HPS4: variants seen among roughly 807,000 people sequenced by gnomAD.
HPS4 encodes the protein HPS4 biogenesis of lysosomal organelles complex 3 subunit 2, also known as BLOC-3 complex member HPS4.
HPS4 carries 44 observed loss-of-function variants against 70.3 expected under a neutral mutation model. The ratio of observed to expected loss-of-function variants is 0.63; its 90% confidence interval spans 0.49 to 0.80. The LOEUF (loss-of-function observed/expected upper bound fraction) is 0.80, where lower values mean the gene tolerates loss of function less well. HPS4 is among the 30% of genes least tolerant of loss of function. The probability of loss-of-function intolerance (pLI) is 0.00; values close to 1 mark genes in which losing one functional copy is unlikely to be tolerated. For synonymous variants in HPS4, 377 were observed against 355.9 expected (o/e 1.06, Z -0.67); for missense variants, 873 against 884.4 (o/e 0.99, Z 0.16).
rs2146568951 is a variant in HPS4 at position 26,464,815 on chromosome 22, G to T, written c.815C>A (p.Ser272Tyr). Residue 272 changes from serine to tyrosine, a missense_variant, in exon 11 of 14, where the codon TCT (serine) becomes TAT (tyrosine). Physicochemically the swap from Ser to Tyr is moderately radical, Grantham distance 144. Transcript: ENST00000398145. Reference protein sequence around the residue: ...PVEQMTRSLASPAGLQDGSAQ... With the variant: ...PVEQMTRSLAYPAGLQDGSAQ... ...TGAACCATCCTGGAGTCCTGCTGGAGATGCTAGAGACCTGGCAAACAAGAG... is the reference window on the plus strand; with the variant it reads ...TGAACCATCCTGGAGTCCTGCTGGATATGCTAGAGACCTGGCAAACAAGAG... The T allele has an allele frequency of 1.3e-6, 2 of 1,592,724 alleles. No individual in the cohort carries two copies. The highest frequency in any genetic ancestry group is 1.7e-6 in the Non-Finnish European group (2 of 1,171,892).
chr22:26,476,779 T>G, intron 4 of HPS4: 1 of 556,788 alleles, frequency 1.8e-6, no homozygotes, highest in South Asian at 2.0e-5. Context: ...AGAAACCAGC[T>G]GTGTGCAATG....
intron 13 of HPS4, among the ~76,000 whole-genome samples, chr22:26,456,488 A>G (rs1050686843): frequency 8.5e-5 from 13 of 152,120 alleles, no homozygotes; most frequent in Non-Finnish European, 1.9e-4. Flanking sequence ...GTGAAACCCT[A>G]TCTCTACTAA....
At chr22:26,483,300 G>A (rs1479549721) in intron 1 of HPS4, among the ~76,000 whole-genome samples, 1 of 152,218 alleles carries the variant, frequency 6.6e-6, no homozygotes, top group Non-Finnish European at 1.5e-5. Context: ...GAAAGGTCCA[G>A]AAGAGACCAA....
Position 26,473,059 on chromosome 22 carries a change from A to G in HPS4, c.277-120T>C, listed in dbSNP as rs1462117885. The G allele has an allele frequency of 4.9e-6, 4 of 816,184 alleles. No homozygotes were observed. In the East Asian group the frequency reaches 7.8e-5, roughly 16 times the overall value. The allele number at this position is 816,184 out of a possible 1,614,324, so 50.6% of individuals were successfully genotyped here. On this transcript the variant is annotated intron_variant, in intron 4 of 13. Transcript: ENST00000398145. ...ACTGGCCCATCGAAATTGATCTTCTATTGTCCCTGAGTCCACACCCTTCAT... is the reference window on the plus strand; with the variant it reads ...ACTGGCCCATCGAAATTGATCTTCTGTTGTCCCTGAGTCCACACCCTTCAT...
chr22:26,476,867 T>A, intron 4 of HPS4, 126 bp downstream of exon 4: 1 of 1,000,354 alleles, frequency 1.0e-6, no homozygotes, highest in Non-Finnish European at 1.6e-6. Flanking sequence ...CGAGGGTGAT[T>A]ACTAAACACA....
At chr22:26,470,177 T>C (rs776387867) in intron 7 of HPS4, among the ~76,000 whole-genome samples, 1 of 152,240 alleles carries the variant, frequency 6.6e-6, no homozygotes, top group Non-Finnish European at 1.5e-5. Context: ...AGAGTGGCTC[T>C]TGGGCACTCA....
rs1377514447 is a variant in HPS4, at chr22:26,452,291, C to T, written c.*942G>A. 2 of 455,018 alleles carry T rather than the reference C, an allele frequency of 4.4e-6. No individual in the cohort carries two copies. The highest frequency in any genetic ancestry group is 8.8e-6 in the Non-Finnish European group (2 of 226,492). The allele number at this position is 455,018 out of a possible 1,614,324, so 28.2% of individuals were successfully genotyped here. ...CAAATATTTTCATCCTGCAGTCTGT[C>T]TCATACTGTCAAAAAAATGTCTGAC... On this transcript the variant is annotated 3_prime_UTR_variant, in exon 14 of 14. Transcript: ENST00000398145.
chr22:26,476,900 G>A, intron 4 of HPS4, 93 bp downstream of exon 4: 16 of 1,357,386 alleles, frequency 1.2e-5, no homozygotes, highest in Non-Finnish European at 1.7e-5. Flanking sequence ...GGTTGGTGGG[G>A]GCAGATAATT....
At chr22:26,474,530 GGTTT>G (rs2090266228) in intron 4 of HPS4, among the ~76,000 whole-genome samples, 1 of 152,022 alleles carries the variant, frequency 6.6e-6, no homozygotes, top group South Asian at 2.1e-4. Flanking sequence ...AGTAGGCAGT[GGTTT>G]TTTTCAGGCA....
rs767141806 is a variant in HPS4, at chr22:26,458,419, C to T, written c.1846+26G>A. The T allele has an allele frequency of 2.5e-6, 4 of 1,613,876 alleles. No individual in the cohort carries two copies. In the East Asian group the frequency reaches 8.9e-5, roughly 36 times the overall value. ...CATCTAGAATCTGGCATCCCCGTCG[C>T]CCCAGGCCCCTTGGCTGGTTCTTAC... On this transcript the variant is annotated intron_variant, in intron 12 of 13. Transcript: ENST00000398145.
At chr22:26,472,185 C>A (rs766983143) in intron 6 of HPS4, 117 bp downstream of exon 6, 15 of 783,858 alleles carry the variant, frequency 1.9e-5, no homozygotes, top group Non-Finnish European at 3.2e-5. Context: ...CATGGCCCTG[C>A]CTGAGAAGTG....
At position 26,466,221 on chromosome 22, in the gene HPS4, C is replaced by A; in HGVS notation, c.706+5G>T. On this transcript the variant is annotated splice_donor_5th_base_variant and intron_variant, in intron 9 of 13. Coordinates refer to ENST00000398145, the MANE Select transcript of HPS4 (RefSeq NM_022081.6). ...CAAGAGGCAACCATGCGCCTCACTA[C>A]TTACCATGTTCCTGCGGGGCATCCT... The A allele has an allele frequency of 6.2e-7, 1 of 1,614,188 alleles. No homozygotes were observed. Among genetic ancestry groups the A allele is most frequent in the Non-Finnish European group, 8.5e-7 (1 of 1,180,004 alleles).
In HPS4 at chr22:26,464,249, G is replaced by A; in HGVS notation, c.1381C>T (p.Leu461Phe). ...AAGGGCCTGCGGGTCCTTCTGGGGA[G>A]AGGGTCTGCTCTGGGAATGGGGGCT... The part of the protein sequence containing the change: ...SQAPIPRADP[L>F]PRRTRRPLLL... The change falls in exon 11 of 14, where the codon CTC becomes TTC. Residue 461 changes from leucine (L) to phenylalanine (F), a missense_variant. By Grantham distance (22) the Leu-to-Phe change is conservative. Transcript: ENST00000398145. The A allele has an allele frequency of 6.2e-7, 1 of 1,614,178 alleles. No individual in the cohort carries two copies. The highest frequency in any genetic ancestry group is 8.5e-7 in the Non-Finnish European group (1 of 1,180,042).
intron 3 of HPS4, among the ~76,000 whole-genome samples, chr22:26,478,830 C>T (rs999789320): frequency 6.6e-6 from 1 of 151,890 alleles, no homozygotes; most frequent in Non-Finnish European, 1.5e-5. Context: ...ATTACAGGAG[C>T]GTGCCACCAC....
Position 26,452,765 on chromosome 22 carries a change from G to A in HPS4, c.*468C>T, listed in dbSNP as rs1011743668. ...GAAACCTACCTGCGGCGTGGGAGTG[G>A]AGTCGGCCTGCTCACAGATCCGGCA... On this transcript the variant is annotated 3_prime_UTR_variant, in exon 14 of 14. Transcript: ENST00000398145. 4.0e-6 allele frequency: 1 copy of A among 249,298 alleles called. No homozygotes were observed. Among genetic ancestry groups the A allele is most frequent in the Non-Finnish European group, 7.9e-6 (1 of 126,154 alleles). The allele number at this position is 249,298 out of a possible 1,614,324, so 15.4% of individuals were successfully genotyped here.
rs1420660627 is a variant in HPS4 at position 26,450,951 on chromosome 22, T to A, written c.*2282A>T. Among the ~76,000 whole-genome samples the A allele has an allele frequency of 4.6e-5, 7 of 152,212 alleles. No individual in the cohort carries two copies. The highest frequency in any genetic ancestry group is 1.7e-4 in the African/African-American group (7 of 41,454). On this transcript the variant is annotated 3_prime_UTR_variant, in exon 14 of 14. Coordinates refer to ENST00000398145, the MANE Select transcript of HPS4 (RefSeq NM_022081.6). ...CCGTGAGAACGGACTAACACACCAC[T>A]ATTAATCACTCATGCGACCTTTATC...
chr22:26,452,591 C>T lies in HPS4; in HGVS notation c.*642G>A, dbSNP rs1350200905. 3.1e-6 allele frequency: 1 copy of T among 317,620 alleles called. No homozygotes were observed. Among genetic ancestry groups the T allele is most frequent in the East Asian group, 8.2e-5 (1 of 12,140 alleles). The allele number at this position is 317,620 out of a possible 1,614,324, so 19.7% of individuals were successfully genotyped here. A position where few individuals can be genotyped will look rare whatever the true frequency, so the allele number is the denominator to read the frequency against. ...GGATCTCTAAAGCCCAAACTCCCTT[C>T]CATATTATTAAGGCTTGCCCCCATT... On this transcript the variant is annotated 3_prime_UTR_variant, in exon 14 of 14. Transcript: ENST00000398145.
chr22:26,473,026 C>T (rs1294517410), intron 4 of HPS4, 87 bp from the exon 5 acceptor site: 1 of 1,081,424 alleles, frequency 9.2e-7, no homozygotes, highest in East Asian at 2.4e-5. Context: ...TCTCAATTAC[C>T]TGACTTCACT....
chr22:26,451,947 A>G lies in HPS4; in HGVS notation c.*1286T>C, dbSNP rs767355031. On this transcript the variant is annotated 3_prime_UTR_variant, in exon 14 of 14. Coordinates refer to ENST00000398145, the MANE Select transcript of HPS4 (RefSeq NM_022081.6). ...AAACAGACGGTCCTTACCCAGCCACACTGAACCCAGGGAAGGAAAAGAGGG... is the reference window on the plus strand; with the variant it reads ...AAACAGACGGTCCTTACCCAGCCACGCTGAACCCAGGGAAGGAAAAGAGGG... 41 of 191,024 alleles carry G rather than the reference A, an allele frequency of 2.1e-4. No individual in the cohort carries two copies. Among genetic ancestry groups the G allele is most frequent in the Non-Finnish European group, 4.2e-4 (39 of 92,926 alleles). The allele number at this position is 191,024 out of a possible 1,614,324, so 11.8% of individuals were successfully genotyped here. A position where few individuals can be genotyped will look rare whatever the true frequency, so the allele number is the denominator to read the frequency against.
Sources: gnomAD v4.1 joint callset for allele counts (sites outside exome capture counted in the v4.1 genomes callset) on GRCh38, gnomAD v4.1.1 for gene constraint, MANE v1.5 for transcripts, NCBI Gene and HGNC (gene_info 2026-07-23, HGNC 2026-07-21) for gene names.